Variants in RELN observed in about 807,000 individuals in gnomAD.
RELN encodes reelin.
RELN carries 108 observed loss-of-function variants against 427.6 expected under a neutral mutation model. The observed-to-expected ratio is 0.25, with a 90% CI of 0.22 to 0.30. The LOEUF is 0.30. Ranked by LOEUF, RELN falls within the 10% of genes least tolerant of loss-of-function variation. RELN has a pLI of 1.00. For synonymous variants in RELN, 1,524 were observed against 1,513.4 expected (o/e 1.01, Z -0.16); for missense variants, 3,715 against 4,302.8 (o/e 0.86, Z 3.82).
At chr7:103,821,885 A>G (rs1793024189) in intron 3 of RELN, among the ~76,000 whole-genome samples, 1 of 152,154 alleles carries the variant, frequency 6.6e-6, no homozygotes, top group Admixed American at 6.6e-5. Flanking sequence ...TGCTCATGCT[A>G]TTCATAATCC....
At chr7:103,814,325 G>T (rs933494417) in intron 3 of RELN, among the ~76,000 whole-genome samples, 2 of 152,192 alleles carry the variant, frequency 1.3e-5, no homozygotes, top group Non-Finnish European at 2.9e-5. Context: ...GAAAATGACA[G>T]ATGAAAGACG....
chr7:103,888,357 TACCAGGC>T (rs1244621058), intron 2 of RELN, among the ~76,000 whole-genome samples: 2 of 152,036 alleles, frequency 1.3e-5, no homozygotes, highest in African/African-American at 4.8e-5. Context: ...CTCCCCACCT[TACCAGGC>T]AACTTTATTA....
intron 28 of RELN, among the ~76,000 whole-genome samples, chr7:103,579,876 T>G (rs540892236): frequency 8.6e-4 from 131 of 152,186 alleles, no homozygotes; most frequent in Non-Finnish European, 1.6e-3. Context: ...ATGCAGAGTA[T>G]TCTGAAGAAT....
intron 3 of RELN, among the ~76,000 whole-genome samples, chr7:103,829,081 T>A (rs1793212201): frequency 6.6e-6 from 1 of 151,988 alleles, no homozygotes; most frequent in African/African-American, 2.4e-5. Flanking sequence ...AGTTTCCTCA[T>A]CTGCAAACTG....
chr7:103,672,796 G>GCTCATATC (rs1250486757), intron 11 of RELN, among the ~76,000 whole-genome samples: 1 of 151,972 alleles, frequency 6.6e-6, no homozygotes, highest in Non-Finnish European at 1.5e-5. Context: ...TCATATTACT[G>GCTCATATC]ATAGTGATTA....
intron 2 of RELN, among the ~76,000 whole-genome samples, chr7:103,887,124 G>A (rs1794740773): frequency 6.6e-6 from 1 of 152,180 alleles, no homozygotes; most frequent in South Asian, 2.1e-4. Context: ...TGCCAAGGAA[G>A]AAGCATGTCT....
chr7:103,549,355 T>C (rs1015681946), intron 41 of RELN, among the ~76,000 whole-genome samples: 1 of 152,176 alleles, frequency 6.6e-6, no homozygotes, highest in African/African-American at 2.4e-5. Context: ...TGGGGTCTCT[T>C]TTATAAGGGC....
chr7:103,866,710 A>G (rs1385344012), intron 2 of RELN, among the ~76,000 whole-genome samples: 1 of 152,086 alleles, frequency 6.6e-6, no homozygotes. Flanking sequence ...TAATGCACTA[A>G]TTACTGTACC....
At chr7:103,541,101 G>C in intron 43 of RELN, among the ~76,000 whole-genome samples, 1 of 152,192 alleles carries the variant, frequency 6.6e-6, no homozygotes, top group East Asian at 1.9e-4. Context: ...GGTGGTGGCT[G>C]TGCCAGGCTC....
intron 2 of RELN, among the ~76,000 whole-genome samples, chr7:103,844,065 T>C (rs1385240353): frequency 6.6e-6 from 1 of 152,216 alleles, no homozygotes; most frequent in Non-Finnish European, 1.5e-5. Flanking sequence ...TGCTCTCTTG[T>C]GTGTTTAATT....
chr7:103,609,746 A>G (rs548492598), intron 22 of RELN, among the ~76,000 whole-genome samples: 5 of 152,218 alleles, frequency 3.3e-5, no homozygotes, highest in Non-Finnish European at 7.4e-5. Flanking sequence ...TCTAACTTTT[A>G]TATAAAATAA....
At chr7:103,825,202 GA>G (rs1320991317) in intron 3 of RELN, among the ~76,000 whole-genome samples, 2 of 152,034 alleles carry the variant, frequency 1.3e-5, no homozygotes, top group Admixed American at 6.6e-5. Flanking sequence ...GGGCACATTT[GA>G]AAAGATGCAG....
intron 57 of RELN, 100 bp from the exon 58 acceptor site, chr7:103,492,126 T>C (rs753545322): frequency 1.1e-6 from 1 of 932,770 alleles, no homozygotes; most frequent in Non-Finnish European, 1.7e-6. Flanking sequence ...TGATAGGTAA[T>C]ATTCAGAGAA....
At chr7:103,901,484 A>C (rs1795083971) in intron 2 of RELN, among the ~76,000 whole-genome samples, 2 of 152,090 alleles carry the variant, frequency 1.3e-5, no homozygotes, top group Non-Finnish European at 2.9e-5. Context: ...TGTAATAGCC[A>C]AAAGTGGAAA....
chr7:103,517,468 A>G (rs577853063), intron 49 of RELN, among the ~76,000 whole-genome samples: 1 of 152,284 alleles, frequency 6.6e-6, no homozygotes, highest in African/African-American at 2.4e-5. Flanking sequence ...ACCTCAGTCA[A>G]TTTGATTCCC....
intron 1 of RELN, among the ~76,000 whole-genome samples, chr7:103,935,948 C>T (rs1795972457): frequency 6.6e-6 from 1 of 152,134 alleles, no homozygotes; most frequent in Non-Finnish European, 1.5e-5. Context: ...TCACCTTTAA[C>T]ATGTCTCTCT....
At chr7:103,980,135 G>A (rs1303749632) in intron 1 of RELN, among the ~76,000 whole-genome samples, 1 of 150,020 alleles carries the variant, frequency 6.7e-6, no homozygotes, top group Non-Finnish European at 1.5e-5. Context: ...ACTCCAGCCT[G>A]GACAACAAGA....
In RELN at chr7:103,498,268, G is replaced by A. The variant is rs372267122; in HGVS notation, c.8668-16C>T. Reference sequence around the variant, plus strand: ...TCAGGAAAGTCTGGAAATAAAATAAGCCAGATGTGGTTAAAAAAACAATTT... The same window carrying A: ...TCAGGAAAGTCTGGAAATAAAATAAACCAGATGTGGTTAAAAAAACAATTT... On this transcript the variant is annotated splice_polypyrimidine_tract_variant and intron_variant, in intron 53 of 64. Coordinates refer to ENST00000428762, the MANE Select transcript of RELN (RefSeq NM_005045.4). 1.9e-6 allele frequency: 3 copies of A among 1,609,870 alleles called. No homozygotes were observed. The highest frequency in any genetic ancestry group is 2.5e-6 in the Non-Finnish European group (3 of 1,176,862).
chr7:103,868,804 G>A (rs1257110344), intron 2 of RELN, among the ~76,000 whole-genome samples: 3 of 151,958 alleles, frequency 2.0e-5, no homozygotes, highest in African/African-American at 7.2e-5. Context: ...TTATACTCAC[G>A]AAATGTTCCT....
Sources: gnomAD v4.1 joint callset for allele counts (sites outside exome capture counted in the v4.1 genomes callset) on GRCh38, gnomAD v4.1.1 for gene constraint, MANE v1.5 for transcripts, NCBI Gene and HGNC (gene_info 2026-07-23, HGNC 2026-07-21) for gene names.